The following TSHZ2 variants were observed in gnomAD, a reference collection of about 807,000 sequenced individuals.
TSHZ2 encodes teashirt homolog 2.
In TSHZ2, 21 loss-of-function variants were observed where a neutral mutation model predicts 74.4. That is an observed-to-expected ratio of 0.28 (90% CI 0.20 to 0.41). The LOEUF is 0.41. Ranked by LOEUF, TSHZ2 falls within the 10% of genes least tolerant of loss-of-function variation. TSHZ2 has a pLI of 1.00. For synonymous variants in TSHZ2, 540 were observed against 515.3 expected (o/e 1.05, Z -0.65); for missense variants, 1,244 against 1,293.5 (o/e 0.96, Z 0.59).
At chr20:53,149,149 C>A (rs1987614874) in intron 1 of TSHZ2, among the ~76,000 whole-genome samples, 1 of 151,600 alleles carries the variant, frequency 6.6e-6, no homozygotes, top group South Asian at 2.1e-4. Flanking sequence ...GGAGCAGGAT[C>A]CTGACAATGT....
At chr20:53,327,087 G>A (rs1275152510) in intron 2 of TSHZ2, among the ~76,000 whole-genome samples, 1 of 152,214 alleles carries the variant, frequency 6.6e-6, no homozygotes, top group African/African-American at 2.4e-5. Context: ...ACATAGATGA[G>A]AGTGCTTGTG....
At chr20:52,974,791 T>G (rs1293784872) in intron 1 of TSHZ2, among the ~76,000 whole-genome samples, 1 of 152,212 alleles carries the variant, frequency 6.6e-6, no homozygotes, top group Non-Finnish European at 1.5e-5. Context: ...CAATTATCAT[T>G]CCTTCTGAGC....
chr20:53,090,804 C>A (rs571713724), intron 1 of TSHZ2, among the ~76,000 whole-genome samples: 1 of 152,232 alleles, frequency 6.6e-6, no homozygotes, highest in African/African-American at 2.4e-5. Context: ...GCTGTGTGTG[C>A]ACACTCCTAA....
At chr20:53,096,564 A>T (rs1321916283) in intron 1 of TSHZ2, among the ~76,000 whole-genome samples, 1 of 152,162 alleles carries the variant, frequency 6.6e-6, no homozygotes, top group Non-Finnish European at 1.5e-5. Flanking sequence ...TGTCATTATC[A>T]TAAGCATCAT....
intron 2 of TSHZ2, among the ~76,000 whole-genome samples, chr20:53,283,467 C>T (rs972288386): frequency 2.6e-5 from 4 of 152,170 alleles, no homozygotes; most frequent in Non-Finnish European, 5.9e-5. Context: ...AGAAATTAAG[C>T]GCCTTGACCA....
intron 1 of TSHZ2, among the ~76,000 whole-genome samples, chr20:53,171,406 A>G (rs960159917): frequency 2.0e-5 from 3 of 152,228 alleles, no homozygotes; most frequent in Non-Finnish European, 2.9e-5. Flanking sequence ...ATGGTCCCTT[A>G]TGAGTCCCCT....
At position 53,256,582 on chromosome 20, in the gene TSHZ2, G is replaced by A. The variant is rs1315767006; in HGVS notation, c.*8+11G>A. On this transcript the variant is annotated intron_variant, in intron 2 of 2. Transcript: ENST00000371497. This position sits in a 1 kb window ranked among gnomAD's most constrained non-coding sequence, Gnocchi z 4.3. ...AGAATAGCTCTGCAGGTATGGGTTT[G>A]CTCTGAGGCATTGCGATTAGCCTGG... 6.5e-7 allele frequency: 1 copy of A among 1,549,722 alleles called. No homozygotes were observed. Among genetic ancestry groups the A allele is most frequent in the Admixed American group, 1.8e-5 (1 of 54,274 alleles).
chr20:53,298,683 G>A lies in TSHZ2; in HGVS notation c.*8+42112G>A, dbSNP rs578092450. Among the ~76,000 whole-genome samples, 6 of 152,274 alleles carry A rather than the reference G, an allele frequency of 3.9e-5. No individual in the cohort carries two copies. The East Asian group carries it at 5.8e-4, about 15-fold the overall frequency. On this transcript the variant is annotated intron_variant, in intron 2 of 2. Transcript: ENST00000371497. ...AGGACCTTGAGAAGTCACTGGAGGC[G>A]GGTAAACCCAGGAGTGGCAGCATCG...
Position 53,323,563 on chromosome 20 carries a change from CTTTTTTTTTTTTTTT to C in TSHZ2, c.*8+67010_*8+67024del, listed in dbSNP as rs34687825. Among the ~76,000 whole-genome samples, 341 of 36,686 alleles carry C rather than the reference CTTTTTTTTTTTTTTT, an allele frequency of 9.3e-3. 2 individuals carry two copies. The highest frequency in any genetic ancestry group is 0.013 in the Non-Finnish European group (292 of 21,694). 24.1% of individuals were successfully genotyped at this position (36,686 alleles called of 152,430 possible). A position where few individuals can be genotyped will look rare whatever the true frequency, so the allele number is the denominator to read the frequency against. On this transcript the variant is annotated intron_variant, in intron 2 of 2. Transcript: ENST00000371497. ...CACCCGTTTTCATTGCCTTGGAGGG[CTTTTTTTTTTTTTTT>C]TTTTTTTTTTTTTTTTTGACAGAGT...
At chr20:53,439,851 C>T (rs1423170873) in intron 2 of TSHZ2, among the ~76,000 whole-genome samples, 1 of 152,116 alleles carries the variant, frequency 6.6e-6, no homozygotes, top group Non-Finnish European at 1.5e-5. Context: ...ATTCAACATG[C>T]TACATGAATA....
chr20:53,106,950 G>A (rs532476532), intron 1 of TSHZ2, among the ~76,000 whole-genome samples: 7 of 151,930 alleles, frequency 4.6e-5, no homozygotes, highest in African/African-American at 7.3e-5. Context: ...CGCCCACCTC[G>A]GCCTCCCAAA....
At chr20:53,277,593 G>A (rs1437875651) in intron 2 of TSHZ2, among the ~76,000 whole-genome samples, 1 of 152,168 alleles carries the variant, frequency 6.6e-6, no homozygotes, top group African/African-American at 2.4e-5. Context: ...GGTGTTCTAT[G>A]TGTTATCTCA....
At chr20:53,463,801 G>A (rs945679767) in intron 2 of TSHZ2, among the ~76,000 whole-genome samples, 2 of 152,214 alleles carry the variant, frequency 1.3e-5, no homozygotes, top group Non-Finnish European at 2.9e-5. Flanking sequence ...GCCTCAGCTG[G>A]ACATCTCTGA....
At chr20:53,040,299 G>T (rs1395532239) in intron 1 of TSHZ2, among the ~76,000 whole-genome samples, 2 of 152,160 alleles carry the variant, frequency 1.3e-5, no homozygotes, top group African/African-American at 2.4e-5. Context: ...GCAGAGTCAT[G>T]TTGGTCAATT....
chr20:53,021,386 A>G (rs1211000588), intron 1 of TSHZ2, among the ~76,000 whole-genome samples: 1 of 152,180 alleles, frequency 6.6e-6, no homozygotes, highest in Non-Finnish European at 1.5e-5. Flanking sequence ...AGCAAGCCTC[A>G]CTGGTGATTC....
At chr20:53,349,835 A>G (rs965207430) in intron 2 of TSHZ2, among the ~76,000 whole-genome samples, 1 of 152,198 alleles carries the variant, frequency 6.6e-6, no homozygotes, top group Non-Finnish European at 1.5e-5. Context: ...CTTAAAAGAA[A>G]ACAAATTCAT....
intron 2 of TSHZ2, among the ~76,000 whole-genome samples, chr20:53,336,963 G>A (rs1979974166): frequency 6.6e-6 from 1 of 152,030 alleles, no homozygotes. Context: ...ACCTATATAT[G>A]TGTATACATA....
intron 1 of TSHZ2, among the ~76,000 whole-genome samples, chr20:53,192,844 G>C (rs1014250140): frequency 6.6e-6 from 1 of 152,120 alleles, no homozygotes; most frequent in Non-Finnish European, 1.5e-5. Flanking sequence ...TCATTGTTTT[G>C]GCTGGATCCT....
chr20:53,008,191 G>A (rs1982715571), intron 1 of TSHZ2, among the ~76,000 whole-genome samples: 1 of 152,004 alleles, frequency 6.6e-6, no homozygotes, highest in East Asian at 1.9e-4. Flanking sequence ...TCTTTATGAA[G>A]AAAAAAATAA....
Sources: gnomAD v4.1 joint callset for allele counts (sites outside exome capture counted in the v4.1 genomes callset) on GRCh38, gnomAD v4.1.1 for gene constraint, Gnocchi (gnomAD v3.1) non-coding constraint, MANE v1.5 for transcripts, NCBI Gene and HGNC (gene_info 2026-07-23, HGNC 2026-07-21) for gene names.